Variants in YEATS2 observed in about 807,000 individuals in gnomAD.
YEATS2 encodes the protein YEATS domain-containing protein 2.
In YEATS2, 77 loss-of-function variants were observed where a neutral mutation model predicts 163.2. The observed-to-expected ratio is 0.47, with a 90% CI of 0.39 to 0.57. YEATS2 has a LOEUF of 0.57. Among genes scored for constraint, YEATS2 ranks in the 20% least tolerant of loss-of-function variants. The pLI, the probability that YEATS2 is intolerant of heterozygous loss-of-function variation, is 0.00. For synonymous variants in YEATS2, 631 were observed against 645.1 expected (o/e 0.98, Z 0.33); for missense variants, 1,549 against 1,729.8 (o/e 0.90, Z 1.85).
chr3:183,769,627 C>T (rs985917678), intron 15 of YEATS2, among the ~76,000 whole-genome samples: 15 of 152,146 alleles, frequency 9.9e-5, no homozygotes, highest in African/African-American at 1.4e-4. Context: ...GTCTGCTTAC[C>T]GAAACCTGCA....
intron 20 of YEATS2, among the ~76,000 whole-genome samples, chr3:183,787,658 A>G (rs1724189406): frequency 6.6e-6 from 1 of 152,104 alleles, no homozygotes; most frequent in East Asian, 1.9e-4. Flanking sequence ...TCTTGATAGT[A>G]TTGAACCACA....
At chr3:183,768,354 G>C (rs1236777101) in intron 15 of YEATS2, among the ~76,000 whole-genome samples, 3 of 152,214 alleles carry the variant, frequency 2.0e-5, no homozygotes, top group Non-Finnish European at 4.4e-5. Flanking sequence ...CATCCCGTTA[G>C]CCAGAAAGCA....
At chr3:183,791,013 T>G in intron 21 of YEATS2, 33 bp downstream of exon 21, 1 of 1,599,086 alleles carries the variant, frequency 6.3e-7, no homozygotes, top group Non-Finnish European at 8.6e-7. Context: ...TTCTCTCTCT[T>G]TTCTCTCATT....
Position 183,728,781 on chromosome 3 carries a change from A to G in YEATS2, c.742A>G (p.Asn248Asp), listed in dbSNP as rs574200290. Reference sequence around the variant, plus strand: ...AGGGTCCCGTAGAGAACCCAGCATTAATCATTTTGTCAAGAAGGTTTGGTT... The same window carrying G: ...AGGGTCCCGTAGAGAACCCAGCATTGATCATTTTGTCAAGAAGGTTTGGTT... ...VRGSRREPSI[N>D]HFVKKVWFFL... The change falls in exon 7 of 31, where the codon AAT (asparagine) becomes GAT (aspartate). Residue 248 changes from asparagine (N) to aspartate (D), a missense_variant. Transcript: ENST00000305135. 1.4e-5 allele frequency: 22 copies of G among 1,614,156 alleles called. No homozygotes were observed. The East Asian group carries it at 2.0e-4, about 15-fold the overall frequency.
intron 28 of YEATS2, 175 bp downstream of exon 28, chr3:183,807,267 G>A (rs1726310674): frequency 3.3e-6 from 2 of 607,184 alleles, no homozygotes; most frequent in African/African-American, 1.8e-5. Flanking sequence ...ACCCAGGTGT[G>A]CTCTCAGGGC....
chr3:183,807,095 A>AG lies in YEATS2; in HGVS notation c.4011+7dup. The AG allele has an allele frequency of 6.2e-7, 1 of 1,611,160 alleles. No individual in the cohort carries two copies. Among genetic ancestry groups the AG allele is most frequent in the Non-Finnish European group, 8.5e-7 (1 of 1,178,752 alleles). On this transcript the variant is annotated splice_donor_region_variant and intron_variant, in intron 28 of 30. Coordinates refer to ENST00000305135, the MANE Select transcript of YEATS2 (RefSeq NM_018023.5). ...TTATTGGGGATGTCACACAGAAGGT[A>AG]GGGGTTGTGGTGTTAATAGTTCATG...
At chr3:183,727,197 C>G (rs951924658) in intron 6 of YEATS2, among the ~76,000 whole-genome samples, 6 of 151,948 alleles carry the variant, frequency 3.9e-5, no homozygotes, top group African/African-American at 1.5e-4. Flanking sequence ...ACATAACATA[C>G]ACAAACCTGG....
At chr3:183,700,594 CTTTCT>C in intron 1 of YEATS2, among the ~76,000 whole-genome samples, 1 of 142,182 alleles carries the variant, frequency 7.0e-6, no homozygotes, top group African/African-American at 2.6e-5. Context: ...CTTTTCTTTT[CTTTCT>C]TTTTTTTTTT....
intron 1 of YEATS2, among the ~76,000 whole-genome samples, chr3:183,704,664 C>T (rs1002191895): frequency 2.6e-5 from 4 of 151,808 alleles, no homozygotes; most frequent in Non-Finnish European, 4.4e-5. Flanking sequence ...GAGTCTCACT[C>T]TGTTGCCCAG....
At chr3:183,714,098 C>T (rs943414198) in intron 1 of YEATS2, among the ~76,000 whole-genome samples, 8 of 151,968 alleles carry the variant, frequency 5.3e-5, no homozygotes, top group South Asian at 2.1e-4. Flanking sequence ...CGACCACACC[C>T]GGCCCATAAT....
At chr3:183,722,278 C>CTTTTTTTTTTTTTTTTTTTTTTTTT (rs200048624) in intron 5 of YEATS2, 142 bp downstream of exon 5, 2 of 289,378 alleles carry the variant, frequency 6.9e-6, no homozygotes, top group African/African-American at 9.1e-5. Context: ...GAAACCAAAT[C>CTTTTTTTTTTTTTTTTTTTTTTTTT]TTTTTTTTTT....
At chr3:183,737,990 A>G (rs1422785132) in intron 8 of YEATS2, among the ~76,000 whole-genome samples, 2 of 152,150 alleles carry the variant, frequency 1.3e-5, no homozygotes, top group East Asian at 1.9e-4. Context: ...GAAATATTTC[A>G]AACTTTTTTT....
Position 183,746,153 on chromosome 3 carries a change from C to T in YEATS2, c.925-1519C>T, listed in dbSNP as rs554230994. On this transcript the variant is annotated intron_variant, in intron 8 of 30. Coordinates refer to ENST00000305135, the MANE Select transcript of YEATS2 (RefSeq NM_018023.5). ...TCATGGCTCACTGCAACCTCAACCTCCTGGGCTCAAGAGATCCTCCTGCGT... is the reference window on the plus strand; with the variant it reads ...TCATGGCTCACTGCAACCTCAACCTTCTGGGCTCAAGAGATCCTCCTGCGT... 1.1e-4 allele frequency among the ~76,000 whole-genome samples: 16 copies of T among 152,210 alleles called. No individual in the cohort carries two copies. The East Asian group carries it at 2.9e-3, about 28-fold the overall frequency.
intron 19 of YEATS2, among the ~76,000 whole-genome samples, chr3:183,783,705 G>A (rs1385459654): frequency 6.6e-6 from 1 of 152,154 alleles, no homozygotes; most frequent in Non-Finnish European, 1.5e-5. Context: ...AGCTGCATCT[G>A]TGTTGCTTCA....
chr3:183,752,695 C>T (rs1215740576), intron 10 of YEATS2, among the ~76,000 whole-genome samples: 6 of 131,384 alleles, frequency 4.6e-5, no homozygotes, highest in Non-Finnish European at 7.9e-5. Context: ...GACAACAGAG[C>T]GAGACTCCAT....
intron 1 of YEATS2, among the ~76,000 whole-genome samples, chr3:183,700,196 C>T (rs1010561143): frequency 2.6e-5 from 4 of 152,078 alleles, no homozygotes; most frequent in African/African-American, 9.7e-5. Context: ...GCAGAGTTCT[C>T]CCCACATGTT....
In YEATS2 at chr3:183,772,289, G is replaced by C; in HGVS notation, c.1948-16G>C. On this transcript the variant is annotated splice_polypyrimidine_tract_variant and intron_variant, in intron 15 of 30. Transcript: ENST00000305135. ...AGCTCTCGAAGCACCGTTGGACTCTGCTCTGTTTTGAACAGGTTGTCGGGG... is the reference window on the plus strand; with the variant it reads ...AGCTCTCGAAGCACCGTTGGACTCTCCTCTGTTTTGAACAGGTTGTCGGGG... The C allele has an allele frequency of 6.2e-7, 1 of 1,613,152 alleles. No homozygotes were observed. The highest frequency in any genetic ancestry group is 8.5e-7 in the Non-Finnish European group (1 of 1,179,814).
intron 15 of YEATS2, among the ~76,000 whole-genome samples, chr3:183,768,540 G>A (rs781589440): frequency 1.1e-4 from 17 of 151,746 alleles, no homozygotes; most frequent in Non-Finnish European, 1.6e-4. Flanking sequence ...CATTAAGAAG[G>A]GTTTTTTTTT....
chr3:183,717,722 G>T lies in YEATS2; in HGVS notation c.172G>T (p.Glu58Ter). 6.4e-7 allele frequency: 1 copy of T among 1,558,274 alleles called. No homozygotes were observed. The highest frequency in any genetic ancestry group is 1.3e-5 in the South Asian group (1 of 79,578). Residue 58 changes from glutamate (E) to a stop codon, truncating the protein, a stop_gained, in exon 3 of 31, where the codon GAA (glutamate) becomes TAA (stop). Transcript: ENST00000305135. LOFTEE classifies it high-confidence loss of function. ...EQFALEMKNK[E>*]HEIEVIDQRL... ...GTTTGCTCTTGAAATGAAGAATAAG[G>T]AACATGAAATTGAAGTCATTGACCA...
Sources: allele counts gnomAD v4.1 joint callset (sites outside exome capture counted in the v4.1 genomes callset), GRCh38; gene constraint gnomAD v4.1.1; transcripts MANE v1.5; gene names NCBI Gene and HGNC (gene_info 2026-07-23, HGNC 2026-07-21).